The following IQSEC1 variants were observed in gnomAD, a reference collection of about 807,000 sequenced individuals.
IQSEC1 encodes the protein IQ motif and Sec7 domain ArfGEF 1.
Under a neutral mutation model 91.0 loss-of-function variants are expected in IQSEC1, and 31 were observed. The ratio of observed to expected loss-of-function variants is 0.34; its 90% CI spans 0.26 to 0.46. The LOEUF (loss-of-function observed/expected upper bound fraction) is 0.46. Among genes scored for constraint, IQSEC1 ranks in the 20% least tolerant of loss-of-function variants. The pLI, the probability that IQSEC1 is intolerant of heterozygous loss-of-function variation, is 1.00. For missense variants in IQSEC1, 1,388 were observed against 1,575.6 expected (o/e 0.88, Z 2.02); for synonymous variants, 699 against 662.6 (o/e 1.05, Z -0.84).
intron 13 of IQSEC1, among the ~76,000 whole-genome samples, chr3:12,902,349 G>C (rs921749297): frequency 5.9e-5 from 9 of 152,122 alleles, no homozygotes; most frequent in Admixed American, 5.9e-4. Context: ...TGGAAGTCAA[G>C]GGTTCAGCAA....
In IQSEC1 at chr3:13,282,178, G is replaced by C. The variant is rs796268565; in HGVS notation, c.272+533C>G. Among the ~76,000 whole-genome samples, 23 of 152,326 alleles carry C rather than the reference G, an allele frequency of 1.5e-4. No homozygotes were observed. Among genetic ancestry groups the C allele is most frequent in the African/African-American group, 5.3e-4 (22 of 41,576 alleles). On this transcript the variant is annotated intron_variant, in intron 1 of 15. Transcript: ENST00000648114. This position sits in a 1 kb window ranked among gnomAD's most constrained non-coding sequence, Gnocchi z 6.4. ...CCCAGCCTTGAAGTAAGAGACAGAG[G>C]CGTCCACAGAAGAGGGCTCTGCGCG... is the stretch of plus-strand genomic sequence containing the variant.
rs1695813505 is a variant in IQSEC1, at chr3:13,282,478, G to T, written c.272+233C>A. The stretch of plus-strand genomic sequence containing the variant: ...CGGGAGCGCTGAGCAGCTCCCTGGA[G>T]CCCTTTTCCAGGGAACCCAGTCCCC... On this transcript the variant is annotated intron_variant, in intron 1 of 15. Coordinates refer to the IQSEC1 transcript ENST00000648114. The surrounding 1 kb of genome is among the most constrained non-coding windows in gnomAD (Gnocchi z 6.4). Among the ~76,000 whole-genome samples the T allele has an allele frequency of 1.3e-5, 2 of 152,054 alleles. No individual in the cohort carries two copies. Among genetic ancestry groups the T allele is most frequent in the South Asian group, 4.1e-4 (2 of 4,834 alleles).
intron 2 of IQSEC1, among the ~76,000 whole-genome samples, chr3:13,084,763 T>C (rs779978449): frequency 2.6e-5 from 4 of 152,166 alleles, no homozygotes; most frequent in Admixed American, 6.5e-5. Context: ...CCCAGGATCA[T>C]TGGCCGTAGT....
chr3:13,269,457 T>A (rs921010758), intron 1 of IQSEC1, among the ~76,000 whole-genome samples: 2 of 152,076 alleles, frequency 1.3e-5, no homozygotes, highest in African/African-American at 4.8e-5. Flanking sequence ...AGGCAAGCAT[T>A]CCCTGAGTGA....
At chr3:13,119,464 C>T (rs189257591) in intron 2 of IQSEC1, among the ~76,000 whole-genome samples, 5 of 152,348 alleles carry the variant, frequency 3.3e-5, no homozygotes, top group Admixed American at 3.3e-4. Flanking sequence ...GCTGAGATGA[C>T]CTGATACCGT....
At chr3:13,222,862 A>G (rs374269023) in intron 1 of IQSEC1, among the ~76,000 whole-genome samples, 1 of 152,318 alleles carries the variant, frequency 6.6e-6, no homozygotes, top group East Asian at 1.9e-4. Context: ...TCTGAGGGGC[A>G]GCCTGGGGAC....
chr3:13,195,303 C>T (rs1010032148), intron 1 of IQSEC1, among the ~76,000 whole-genome samples: 3 of 152,116 alleles, frequency 2.0e-5, no homozygotes, highest in African/African-American at 4.8e-5. Context: ...GCATGCCTAC[C>T]GTGATGACTG....
At chr3:13,257,139 C>G (rs1184285103) in intron 1 of IQSEC1, among the ~76,000 whole-genome samples, 1 of 152,204 alleles carries the variant, frequency 6.6e-6, no homozygotes, top group Non-Finnish European at 1.5e-5. Context: ...TCAGGGAGGG[C>G]AGCACTTCAG....
intron 1 of IQSEC1, among the ~76,000 whole-genome samples, chr3:12,974,923 C>T (rs1243880985): frequency 6.6e-6 from 1 of 152,260 alleles, no homozygotes; most frequent in Non-Finnish European, 1.5e-5. Context: ...GAGCTCTGTC[C>T]CCCGTGTCCA....
At chr3:13,123,795 G>A (rs918111859) in intron 2 of IQSEC1, among the ~76,000 whole-genome samples, 2 of 152,214 alleles carry the variant, frequency 1.3e-5, no homozygotes, top group Non-Finnish European at 2.9e-5. Flanking sequence ...GCCCTGCGCT[G>A]ACCTGCAGCC....
intron 1 of IQSEC1, among the ~76,000 whole-genome samples, chr3:13,225,468 G>T (rs1694735798): frequency 6.6e-6 from 1 of 152,122 alleles, no homozygotes; most frequent in Non-Finnish European, 1.5e-5. Flanking sequence ...GGAACATATG[G>T]GCTGTGTTAA....
intron 2 of IQSEC1, among the ~76,000 whole-genome samples, chr3:13,126,552 G>T (rs903599349): frequency 6.6e-6 from 1 of 152,192 alleles, no homozygotes; most frequent in African/African-American, 2.4e-5. Flanking sequence ...GAGTGCAATG[G>T]CTCAATCATA....
chr3:13,015,462 C>CT (rs1287192456), intron 1 of IQSEC1: 6 of 622,978 alleles, frequency 9.6e-6, no homozygotes, highest in Non-Finnish European at 1.2e-5. Flanking sequence ...AGTGAAAACT[C>CT]TGACGACAGC....
At position 13,100,115 on chromosome 3, in the gene IQSEC1, C is replaced by T. The variant is rs559874142; in HGVS notation, c.303-52593G>A. On this transcript the variant is annotated intron_variant, in intron 2 of 15. Coordinates refer to the IQSEC1 transcript ENST00000648114. ...GAGAACAGTGGCGTGGCGAGGGCTG[C>T]GGGAGCCATGAGAGCAGTGAGGAGG... 4.0e-4 allele frequency among the ~76,000 whole-genome samples: 59 copies of T among 147,896 alleles called. 2 individuals are homozygous for T. The South Asian group carries it at 9.2e-3, about 23-fold the overall frequency.
rs1451818686 is a variant in IQSEC1, at chr3:13,207,917, G to C, written c.273-43784C>G. On this transcript the variant is annotated intron_variant, in intron 1 of 15. Transcript: ENST00000648114. This position sits in a 1 kb window ranked among gnomAD's most constrained non-coding sequence, Gnocchi z 4.8. ...ACTGCAACATCAGCTCCAAGAGAGA[G>C]CACAGCTTTGTCACTACAGAACCCC... 1.3e-5 allele frequency among the ~76,000 whole-genome samples: 2 copies of C among 152,144 alleles called. No individual in the cohort carries two copies. The highest frequency in any genetic ancestry group is 6.5e-5 in the Admixed American group (1 of 15,278).
At chr3:13,176,956 T>C (rs1222231635) in intron 1 of IQSEC1, among the ~76,000 whole-genome samples, 2 of 152,202 alleles carry the variant, frequency 1.3e-5, no homozygotes, top group Non-Finnish European at 2.9e-5. Context: ...GTACAACAGG[T>C]ACATACTGCA....
chr3:12,941,049 G>T (rs747411150), intron 2 of IQSEC1, among the ~76,000 whole-genome samples: 5 of 152,218 alleles, frequency 3.3e-5, no homozygotes, highest in Non-Finnish European at 5.9e-5. Flanking sequence ...GGAGCAGGGA[G>T]GTGTGAGCCA....
At chr3:13,235,597 G>A (rs1312415650) in intron 1 of IQSEC1, among the ~76,000 whole-genome samples, 1 of 152,182 alleles carries the variant, frequency 6.6e-6, no homozygotes. Flanking sequence ...CAGACACGCA[G>A]GCACCATGAG....
chr3:12,941,838 C>T lies in IQSEC1; in HGVS notation c.51G>A (p.Glu17=), dbSNP rs1698779404. The change falls in exon 2 of 14, where the codon GAG becomes GAA. Residue 17 remains glutamate, a synonymous_variant. Transcript: ENST00000613206. The part of the protein sequence containing the change: ...YFVEGEAPSS[E]TGTSLDSPSA... ...AGGGGCTGTCCAGGGATGTGCCAGT[C>T]TCACTGCTGGGGGCCTCGCCCTCGA... The T allele has an allele frequency of 5.0e-6, 8 of 1,606,568 alleles. No individual in the cohort carries two copies. Among genetic ancestry groups the T allele is most frequent in the Non-Finnish European group, 6.8e-6 (8 of 1,177,568 alleles).
Sources: allele counts gnomAD v4.1 joint callset (sites outside exome capture counted in the v4.1 genomes callset), GRCh38; gene constraint gnomAD v4.1.1; non-coding constraint Gnocchi (gnomAD v3.1); transcripts MANE v1.5; gene names NCBI Gene and HGNC (gene_info 2026-07-23, HGNC 2026-07-21).